The following MCTP1 variants were observed in gnomAD, a reference collection of about 807,000 sequenced individuals.
MCTP1 encodes multiple C2 and transmembrane domain-containing protein 1.
A neutral mutation model predicts 120.6 loss-of-function variants in MCTP1; 69 were observed. That is an observed-to-expected ratio of 0.57 (90% CI 0.47 to 0.70). The LOEUF (loss-of-function observed/expected upper bound fraction) is 0.70, where lower values mean the gene tolerates loss of function less well. Among genes scored for constraint, MCTP1 ranks in the 30% least tolerant of loss-of-function variants. MCTP1 has a pLI of 0.00. For missense variants in MCTP1, 1,203 were observed against 1,248.8 expected (o/e 0.96, Z 0.55); for synonymous variants, 529 against 493.1 (o/e 1.07, Z -0.96).
At chr5:94,786,121 T>C (rs1777628957) in intron 18 of MCTP1, among the ~76,000 whole-genome samples, 1 of 152,194 alleles carries the variant, frequency 6.6e-6, no homozygotes, top group African/African-American at 2.4e-5. Context: ...TTTTGGACCA[T>C]ATTGATCTGT....
chr5:94,718,111 C>T (rs1441249634), intron 19 of MCTP1, among the ~76,000 whole-genome samples: 1 of 152,114 alleles, frequency 6.6e-6, no homozygotes, highest in East Asian at 1.9e-4. Context: ...TGACTTCAAA[C>T]TATATTACAA....
At chr5:94,846,888 G>C (rs915959583) in intron 17 of MCTP1, among the ~76,000 whole-genome samples, 1 of 151,950 alleles carries the variant, frequency 6.6e-6, no homozygotes, top group Non-Finnish European at 1.5e-5. Context: ...GCATCCAGTA[G>C]AGTGAACAGT....
chr5:95,177,002 C>A (rs952794990), intron 1 of MCTP1, among the ~76,000 whole-genome samples: 1 of 151,452 alleles, frequency 6.6e-6, no homozygotes, highest in Non-Finnish European at 1.5e-5. Context: ...GTAGCTGGGA[C>A]TACAGGCGCC....
intron 1 of MCTP1, among the ~76,000 whole-genome samples, chr5:95,030,833 A>C (rs1581929842): frequency 6.6e-6 from 1 of 152,298 alleles, no homozygotes; most frequent in East Asian, 1.9e-4. Context: ...AATAGTTTGA[A>C]AAAACAGATA....
At chr5:94,847,594 G>GAGAT (rs1427536646) in intron 17 of MCTP1, among the ~76,000 whole-genome samples, 1 of 151,426 alleles carries the variant, frequency 6.6e-6, no homozygotes, top group East Asian at 1.9e-4. Context: ...GGGATCTGGG[G>GAGAT]AGATGTAGGA....
chr5:95,278,962 C>CAA (rs113219166), intron 1 of MCTP1, among the ~76,000 whole-genome samples: 6 of 80,936 alleles, frequency 7.4e-5, no homozygotes, highest in Admixed American at 2.9e-4. Context: ...AACTCCGTCT[C>CAA]AAAAAAAAAA....
At chr5:95,274,162 C>A (rs1011949564) in intron 1 of MCTP1, among the ~76,000 whole-genome samples, 1 of 152,208 alleles carries the variant, frequency 6.6e-6, no homozygotes, top group African/African-American at 2.4e-5. Context: ...TCTGCCCACA[C>A]CCTAGCTTTC....
At chr5:95,063,012 C>T (rs1308307218) in intron 1 of MCTP1, among the ~76,000 whole-genome samples, 1 of 151,984 alleles carries the variant, frequency 6.6e-6, no homozygotes, top group Admixed American at 6.6e-5. Context: ...GAGATAGGGT[C>T]TCCCTATGTT....
At chr5:95,049,399 C>G (rs1278886157) in intron 1 of MCTP1, among the ~76,000 whole-genome samples, 1 of 152,010 alleles carries the variant, frequency 6.6e-6, no homozygotes, top group Non-Finnish European at 1.5e-5. Context: ...CTCACATGAA[C>G]AAATCAAAAT....
At chr5:95,171,726 T>C (rs1162914340) in intron 1 of MCTP1, among the ~76,000 whole-genome samples, 1 of 152,214 alleles carries the variant, frequency 6.6e-6, no homozygotes, top group Non-Finnish European at 1.5e-5. Flanking sequence ...TGTGCATTCG[T>C]TGCGTAGTTC....
chr5:95,166,917 C>CT (rs386404479), intron 1 of MCTP1, among the ~76,000 whole-genome samples: 2,931 of 137,840 alleles, frequency 0.021, 97 homozygotes, highest in African/African-American at 0.064. Flanking sequence ...CCTTTCTATT[C>CT]TTTTTTTTTT....
Position 95,017,477 on chromosome 5 carries a change from A to G in MCTP1, c.728T>C (p.Ile243Thr). The change falls in exon 2 of 23, where the codon ATA (isoleucine) becomes ACA (threonine). Residue 243 changes from isoleucine to threonine, a missense_variant. Around this residue, in one of 2 missense-constraint regions of MCTP1, gnomAD observed 463 missense variants for 377.8 expected, o/e 1.23. Coordinates refer to ENST00000515393, the MANE Select transcript of MCTP1 (RefSeq NM_024717.7). The part of the protein sequence containing the change: ...GEEHGSSQKI[I>T]NTAGTSNAEV... The stretch of plus-strand genomic sequence containing the variant: ...TGCATTACTGGTTCCAGCAGTGTTT[A>G]TTATTTTCTGGAAAACACGAAATAT... The G allele has an allele frequency of 6.3e-7, 1 of 1,587,494 alleles. No individual in the cohort carries two copies. The highest frequency in any genetic ancestry group is 8.6e-7 in the Non-Finnish European group (1 of 1,166,114).
chr5:94,796,179 T>C (rs1433097112), intron 18 of MCTP1, among the ~76,000 whole-genome samples: 3 of 152,228 alleles, frequency 2.0e-5, no homozygotes, highest in Non-Finnish European at 4.4e-5. Context: ...TCCTTTTCTT[T>C]CTTTGCTATA....
chr5:95,189,289 G>A (rs999041879), intron 1 of MCTP1, among the ~76,000 whole-genome samples: 2 of 152,150 alleles, frequency 1.3e-5, no homozygotes, highest in African/African-American at 2.4e-5. Flanking sequence ...GTGAAAGGGA[G>A]GAGTGAAGCG....
chr5:95,142,062 A>ATT (rs1354010825), intron 1 of MCTP1, among the ~76,000 whole-genome samples: 1 of 152,168 alleles, frequency 6.6e-6, no homozygotes, highest in Non-Finnish European at 1.5e-5. Flanking sequence ...ACATTTCAAA[A>ATT]TTATTTCTTC....
intron 2 of MCTP1, among the ~76,000 whole-genome samples, chr5:94,956,806 A>C (rs1024700904): frequency 8.5e-5 from 13 of 152,226 alleles, no homozygotes; most frequent in African/African-American, 3.1e-4. Context: ...GTGTACCTGA[A>C]AGTGAAGGGG....
At chr5:95,107,683 A>C (rs1274080742) in intron 1 of MCTP1, among the ~76,000 whole-genome samples, 1 of 152,198 alleles carries the variant, frequency 6.6e-6, no homozygotes, top group Non-Finnish European at 1.5e-5. Context: ...TTAATCTATA[A>C]AGTTCTACGA....
chr5:94,839,006 T>G (rs1430659847), intron 17 of MCTP1, among the ~76,000 whole-genome samples: 2 of 152,190 alleles, frequency 1.3e-5, no homozygotes, highest in Non-Finnish European at 2.9e-5. Flanking sequence ...CCAGAATATT[T>G]AATGTCTCTG....
intron 1 of MCTP1, chr5:95,023,937 C>T: frequency 5.1e-6 from 1 of 196,610 alleles, no homozygotes; most frequent in South Asian, 6.7e-5. Context: ...CAGAATTTAG[C>T]AGTTATAAGA....
Sources: gnomAD v4.1 joint callset for allele counts (sites outside exome capture counted in the v4.1 genomes callset) on GRCh38, gnomAD v4.1.1 for gene constraint, gnomAD v4.1.1 regional missense constraint, MANE v1.5 for transcripts, NCBI Gene and HGNC (gene_info 2026-07-23, HGNC 2026-07-21) for gene names.